The following DGKH variants were observed in gnomAD, a reference collection of about 807,000 sequenced individuals.
DGKH encodes the protein DAG kinase eta.
In DGKH, 90 loss-of-function variants were observed where a neutral mutation model predicts 159.3. That is an observed-to-expected ratio of 0.57 (90% confidence interval 0.48 to 0.67). The LOEUF (loss-of-function observed/expected upper bound fraction) is 0.67. Ranked by LOEUF, DGKH falls within the 30% of genes least tolerant of loss-of-function variation. The pLI is 0.00. For synonymous variants in DGKH, 536 were observed against 553.8 expected, an observed-to-expected ratio of 0.97 and a Z score of 0.45; for missense variants, 1,181 against 1,506.1, an observed-to-expected ratio of 0.78 and a Z score of 3.57.
At chr13:42,069,284 G>C in intron 1 of DGKH, 1 of 1,081,810 alleles carries the variant, frequency 9.2e-7, no homozygotes, top group Non-Finnish European at 1.4e-6. Context: ...TGAGAAAACA[G>C]TTCTCCCCAT....
At chr13:42,053,972 A>G (rs1881564224) in intron 1 of DGKH, among the ~76,000 whole-genome samples, 1 of 152,188 alleles carries the variant, frequency 6.6e-6, no homozygotes, top group African/African-American at 2.4e-5. Flanking sequence ...TCTTCAATTG[A>G]TATCTTGGTT....
Position 42,159,270 on chromosome 13 carries a change from TA to T in DGKH, c.630del (p.Lys210AsnfsTer10). ...TSHGLSCEVC[K>X]FKAHKRCAVR... ...TTTTTTTTTTTTTTTTTTTAGTGTGTAAATTCAAGGCTCACAAAAGATGTGC... is the reference window on the plus strand; with the variant it reads ...TTTTTTTTTTTTTTTTTTTAGTGTGTAATTCAAGGCTCACAAAAGATGTGC... On this transcript the variant is annotated frameshift_variant, in exon 6 of 30. Coordinates refer to ENST00000337343, the MANE Select transcript of DGKH (RefSeq NM_178009.5). LOFTEE classifies it high-confidence loss of function. The T allele has an allele frequency of 6.6e-7, 1 of 1,521,084 alleles. No homozygotes were observed. Among genetic ancestry groups the T allele is most frequent in the Non-Finnish European group, 9.0e-7 (1 of 1,117,272 alleles). 94.2% of individuals were successfully genotyped at this position (1,521,084 alleles called of 1,614,324 possible). A position where few individuals can be genotyped will look rare whatever the true frequency, so the allele number is the denominator to read the frequency against.
At chr13:42,128,406 A>C (rs139322227) in intron 2 of DGKH, among the ~76,000 whole-genome samples, 1 of 152,338 alleles carries the variant, frequency 6.6e-6, no homozygotes, top group East Asian at 1.9e-4. Context: ...TATCTATAGA[A>C]GTAATAACCA....
intron 29 of DGKH, among the ~76,000 whole-genome samples, chr13:42,248,541 TTTAAA>T (rs1419256453): frequency 5.4e-5 from 8 of 147,272 alleles, no homozygotes; most frequent in Non-Finnish European, 9.0e-5. Context: ...TTAATAATTA[TTTAAA>T]TTATATTGTT....
intron 20 of DGKH, 132 bp from the exon 21 acceptor site, chr13:42,205,907 G>C: frequency 2.3e-6 from 1 of 432,924 alleles, no homozygotes; most frequent in East Asian, 3.5e-5. Flanking sequence ...ATTTGGTAAC[G>C]TGTAGAGAGC....
intron 29 of DGKH, among the ~76,000 whole-genome samples, chr13:42,225,094 T>C (rs1958087726): frequency 6.6e-6 from 1 of 152,044 alleles, no homozygotes. Context: ...ACTAATATCT[T>C]TTATTTTTTG....
At chr13:42,169,422 T>C (rs1474919097) in intron 11 of DGKH, among the ~76,000 whole-genome samples, 3 of 152,188 alleles carry the variant, frequency 2.0e-5, no homozygotes, top group South Asian at 2.1e-4. Context: ...TCTCTCTGAA[T>C]GTCCGTGTAT....
intron 2 of DGKH, among the ~76,000 whole-genome samples, chr13:42,127,787 C>G (rs761780460): frequency 1.3e-5 from 2 of 152,132 alleles, no homozygotes; most frequent in East Asian, 3.8e-4. Flanking sequence ...TAGGAAGGCT[C>G]TAGTGTAGTT....
At position 42,071,867 on chromosome 13, in the gene DGKH, G is replaced by A. The variant is rs574586907; in HGVS notation, c.192+22902G>A. ...AGTCACCGCCATGTAACACCGACCC[G>A]TGAGAGAGGGCCATGTTGGTTTAAT... On this transcript the variant is annotated intron_variant, in intron 1 of 29. Coordinates refer to ENST00000337343, the MANE Select transcript of DGKH (RefSeq NM_178009.5). Among the ~76,000 whole-genome samples the A allele has an allele frequency of 1.2e-4, 18 of 152,270 alleles. No individual in the cohort carries two copies. In the East Asian group the frequency reaches 3.1e-3, roughly 26 times the overall value.
In DGKH at chr13:42,252,162, G is replaced by T. The variant is rs191297739; in HGVS notation, n.4055-247G>T. ...TTTCCCCAATCTGTGATGAATTTGT[G>T]TAAGAACAGAATTACCTGTTCTTTG... On this transcript the variant is annotated intron_variant and non_coding_transcript_variant, in intron 29 of 30. Coordinates refer to the DGKH transcript ENST00000498255. Among the ~76,000 whole-genome samples the T allele has an allele frequency of 9.2e-5, 14 of 151,356 alleles. No individual in the cohort carries two copies. In the East Asian group the frequency reaches 2.3e-3, roughly 25 times the overall value.
intron 27 of DGKH, 135 bp from the exon 28 acceptor site, chr13:42,219,550 AC>A (rs775896733): frequency 1.3e-5 from 15 of 1,183,152 alleles, no homozygotes; most frequent in Middle Eastern, 5.4e-4. Context: ...TACATTGTGA[AC>A]TTTTTTTGAA....
At chr13:42,137,778 T>A (rs895783935) in intron 3 of DGKH, among the ~76,000 whole-genome samples, 1 of 152,210 alleles carries the variant, frequency 6.6e-6, no homozygotes, top group Non-Finnish European at 1.5e-5. Flanking sequence ...TAACCATTAT[T>A]ATAAAAAAGG....
chr13:42,222,616 G>T (rs1958009398), intron 29 of DGKH, among the ~76,000 whole-genome samples: 1 of 152,150 alleles, frequency 6.6e-6, no homozygotes, highest in African/African-American at 2.4e-5. Flanking sequence ...GGGGGATCAT[G>T]ATATCCAACA....
In DGKH at chr13:42,217,495, G is replaced by A. The variant is rs549698636; in HGVS notation, c.3214-1735G>A. Among the ~76,000 whole-genome samples, 49 of 151,420 alleles carry A rather than the reference G, an allele frequency of 3.2e-4. No individual in the cohort carries two copies. In the South Asian group the frequency reaches 9.0e-3, roughly 28 times the overall value. Reference sequence around the variant, plus strand: ...TGACTTCAAGTGATCCACCCGTCTCGGCCTCCCAGAGTGCTGGGATTACAG... The same window carrying A: ...TGACTTCAAGTGATCCACCCGTCTCAGCCTCCCAGAGTGCTGGGATTACAG... On this transcript the variant is annotated intron_variant, in intron 26 of 29. Coordinates refer to ENST00000337343, the MANE Select transcript of DGKH (RefSeq NM_178009.5).
intron 20 of DGKH, among the ~76,000 whole-genome samples, chr13:42,203,558 C>T (rs988564786): frequency 6.6e-6 from 1 of 152,210 alleles, no homozygotes; most frequent in Admixed American, 6.5e-5. Flanking sequence ...ACCATCTTCC[C>T]TCCATATCAG....
intron 28 of DGKH, 112 bp from the exon 29 acceptor site, chr13:42,221,152 C>A (rs1957960628): frequency 7.2e-7 from 1 of 1,396,002 alleles, no homozygotes; most frequent in Non-Finnish European, 9.7e-7. Context: ...TTAACCTTTT[C>A]TTTTGCTAGC....
At chr13:42,040,549 G>T (rs1181134010) in intron 1 of DGKH, among the ~76,000 whole-genome samples, 2 of 151,822 alleles carry the variant, frequency 1.3e-5, no homozygotes, top group Admixed American at 6.6e-5. Flanking sequence ...AGGGCGCCGG[G>T]GGCGGAGGAA....
intron 13 of DGKH, among the ~76,000 whole-genome samples, chr13:42,183,413 T>C (rs1038034857): frequency 1.3e-5 from 2 of 152,178 alleles, no homozygotes; most frequent in African/African-American, 4.8e-5. Context: ...AAAAAAATAC[T>C]GCATGTACGC....
At chr13:42,225,216 C>G in intron 29 of DGKH, 1 of 1,483,802 alleles carries the variant, frequency 6.7e-7, no homozygotes, top group Non-Finnish European at 9.1e-7. Context: ...AGCCACCATG[C>G]CCAGCCAGGA....
Sources: allele counts gnomAD v4.1 joint callset (sites outside exome capture counted in the v4.1 genomes callset), GRCh38; gene constraint gnomAD v4.1.1; transcripts MANE v1.5; gene names NCBI Gene and HGNC (gene_info 2026-07-23, HGNC 2026-07-21).